The following CLCA2 variants were observed in gnomAD, a reference collection of about 807,000 sequenced individuals.
The protein encoded by CLCA2 is calcium-activated chloride channel regulator 2.
In CLCA2, 85 loss-of-function variants were observed where a neutral mutation model predicts 82.9. That is an observed-to-expected ratio of 1.03 (90% CI 0.86 to 1.23). The LOEUF is 1.23. CLCA2 is among the 50% of genes most tolerant of loss of function. The pLI, the probability that CLCA2 is intolerant of heterozygous loss-of-function variation, is 0.00. For missense variants in CLCA2, 1,089 were observed against 1,124.8 expected (o/e 0.97, Z 0.45); for synonymous variants, 421 against 391.7 (o/e 1.07, Z -0.88).
In CLCA2 at chr1:86,432,445, C is replaced by T. The variant is rs1267369665; in HGVS notation, c.661C>T (p.Leu221Phe). ...CPQENCIISK[L>F]FKEGCTFIYN... is the part of the protein sequence containing the mutation. Reference sequence around the variant, plus strand: ...CCAAGAAAACTGTATTATTAGTAAGCTTTTTAAAGAAGGATGCACCTTTAT... The same window carrying T: ...CCAAGAAAACTGTATTATTAGTAAGTTTTTTAAAGAAGGATGCACCTTTAT... Residue 221 changes from leucine (L) to phenylalanine (F), a missense_variant, in exon 5 of 14, where the codon CTT becomes TTT. Leu to Phe is a conservative substitution (Grantham distance 22). Coordinates refer to ENST00000370565, the MANE Select transcript of CLCA2 (RefSeq NM_006536.7). 3.1e-6 allele frequency: 5 copies of T among 1,613,854 alleles called. No individual in the cohort carries two copies. Among genetic ancestry groups the T allele is most frequent in the Middle Eastern group, 1.6e-4 (1 of 6,084 alleles).
In CLCA2 at chr1:86,438,908, A is replaced by G; in HGVS notation, c.1005A>G (p.Ala335=). The change falls in exon 7 of 14, where the codon GCA becomes GCG. Residue 335 remains alanine, a synonymous_variant. Coordinates refer to ENST00000370565, the MANE Select transcript of CLCA2 (RefSeq NM_006536.7). ...ADRLLQLQQA[A]EFYLMQIVEI... Reference sequence around the variant, plus strand: ...GACTCCTTCAACTACAACAAGCCGCAGAATTTTATTTGATGCAGATTGTTG... The same window carrying G: ...GACTCCTTCAACTACAACAAGCCGCGGAATTTTATTTGATGCAGATTGTTG... The G allele has an allele frequency of 1.9e-6, 3 of 1,614,110 alleles. No homozygotes were observed. The highest frequency in any genetic ancestry group is 2.5e-6 in the Non-Finnish European group (3 of 1,179,992).
chr1:86,436,387 C>T (rs534071890), intron 6 of CLCA2, among the ~76,000 whole-genome samples: 1 of 152,146 alleles, frequency 6.6e-6, no homozygotes, highest in Admixed American at 6.6e-5. Flanking sequence ...CTTTTCCCTT[C>T]CTTTATTTTA....
At chr1:86,427,535 G>A (rs1662411737) in intron 2 of CLCA2, among the ~76,000 whole-genome samples, 1 of 137,960 alleles carries the variant, frequency 7.2e-6, no homozygotes, top group African/African-American at 2.8e-5. Flanking sequence ...GACACAGATG[G>A]ACACACATAC....
chr1:86,447,665 T>G lies in CLCA2; in HGVS notation c.1871T>G (p.Ile624Ser). The change falls in exon 11 of 14, where the codon ATT becomes AGT. Residue 624 changes from isoleucine to serine, a missense_variant. Ile to Ser is a moderately radical substitution (Grantham distance 142, BLOSUM62 -2). Coordinates refer to ENST00000370565, the MANE Select transcript of CLCA2 (RefSeq NM_006536.7). ...DSLHFPHPVM[I>S]YANVKQGFYP... is the part of the protein sequence containing the mutation. ...CTCCATTTTCCTCATCCTGTGATGA[T>G]TTATGCCAATGTGAAACAGGGATTT... 1.9e-6 allele frequency: 3 copies of G among 1,614,140 alleles called. No individual in the cohort carries two copies. Among genetic ancestry groups the G allele is most frequent in the African/African-American group, 1.3e-5 (1 of 75,040 alleles).
rs765378231 is a variant in CLCA2 at position 86,438,952 on chromosome 1, G to A, written c.1049G>A (p.Gly350Asp). 6.2e-6 allele frequency: 10 copies of A among 1,614,082 alleles called. No homozygotes were observed. Among genetic ancestry groups the A allele is most frequent in the African/African-American group, 1.3e-5 (1 of 75,022 alleles). The change falls in exon 7 of 14, where the codon GGC (glycine) becomes GAC (aspartate). Residue 350 changes from glycine to aspartate, a missense_variant. Transcript: ENST00000370565. ...MQIVEIHTFV[G>D]IASFDSKGEI... The stretch of plus-strand genomic sequence containing the variant: ...ATTGTTGAAATTCATACCTTCGTGG[G>A]CATTGCCAGTTTCGACAGCAAAGGA...
chr1:86,430,858 G>A lies in CLCA2; in HGVS notation c.476-4G>A, dbSNP rs3737672. 569,786 of 1,609,854 alleles carry A rather than the reference G, an allele frequency of 0.35. 102,121 individuals carry two copies. The highest frequency in any genetic ancestry group is 0.5 in the East Asian group (22,153 of 44,728). ...CTCAAAAGCAAAAGTTCTTTCTTCC[G>A]CAGGCCGAGTGTTTGTCCATGAATG... On this transcript the variant is annotated splice_polypyrimidine_tract_variant and splice_region_variant and intron_variant, in intron 3 of 13. Coordinates refer to ENST00000370565, the MANE Select transcript of CLCA2 (RefSeq NM_006536.7).
intron 5 of CLCA2, among the ~76,000 whole-genome samples, chr1:86,432,752 A>G (rs1269463337): frequency 6.6e-6 from 1 of 152,188 alleles, no homozygotes; most frequent in Non-Finnish European, 1.5e-5. Context: ...GAGGTTTAAC[A>G]AAGGGACTCT....
chr1:86,424,519 T>A lies in CLCA2; in HGVS notation c.186+86T>A, dbSNP rs1243657848. The A allele has an allele frequency of 8.0e-5, 92 of 1,156,638 alleles. No homozygotes were observed. In the East Asian group the frequency reaches 2.3e-3, roughly 29 times the overall value. The allele number at this position is 1,156,638 out of a possible 1,614,324, so 71.6% of individuals were successfully genotyped here. A position where few individuals can be genotyped will look rare whatever the true frequency, so the allele number is the denominator to read the frequency against. ...TAGAAGCTAACTACCCTGCCTGGTTTGTATTTGAGTAATACAGAGAACAGC... is the reference window on the plus strand; with the variant it reads ...TAGAAGCTAACTACCCTGCCTGGTTAGTATTTGAGTAATACAGAGAACAGC... On this transcript the variant is annotated intron_variant, in intron 1 of 13. Transcript: ENST00000370565.
chr1:86,441,326 C>T (rs1662732632), intron 8 of CLCA2, 111 bp from the exon 9 acceptor site: 6 of 640,148 alleles, frequency 9.4e-6, no homozygotes, highest in Non-Finnish European at 2.6e-6. Context: ...GCTCCCATTT[C>T]CCCAAAACAA....
At chr1:86,436,997 A>T (rs540002448) in intron 6 of CLCA2, among the ~76,000 whole-genome samples, 2 of 152,196 alleles carry the variant, frequency 1.3e-5, no homozygotes, top group African/African-American at 2.4e-5. Flanking sequence ...TACAGGCATG[A>T]GCCAACATTC....
chr1:86,425,410 G>A lies in CLCA2; in HGVS notation c.258G>A (p.Lys86=), dbSNP rs764852305. The stretch of plus-strand genomic sequence containing the variant: ...GAAGAGTATTTTTCAGAAATATAAA[G>A]ATTTTAATACCTGCCACATGGAAAG... ...TKRRVFFRNI[K]ILIPATWKAN... Residue 86 remains lysine, a synonymous_variant, in exon 2 of 14, where the codon AAG becomes AAA. Transcript: ENST00000370565. 5.7e-6 allele frequency: 9 copies of A among 1,571,858 alleles called. No individual in the cohort carries two copies. The South Asian group carries it at 1.1e-4, about 19-fold the overall frequency.
rs1305915263 is a variant in CLCA2, at chr1:86,450,682, C to A, written c.2104C>A (p.His702Asn). Residue 702 changes from histidine (H) to asparagine (N), a missense_variant, in exon 12 of 14, where the codon CAC (histidine) becomes AAC (asparagine). Transcript: ENST00000370565. Reference sequence around the variant, plus strand: ...CTCTCCCAGCATAAGCACCCCAGCCCACTCTATTCCAGGGAGTCATGCTAT... The same window carrying A: ...CTCTCCCAGCATAAGCACCCCAGCCAACTCTATTCCAGGGAGTCATGCTAT... ...NHSPSISTPA[H>N]SIPGSHAMYV... The A allele has an allele frequency of 2.0e-5, 33 of 1,613,250 alleles. No individual in the cohort carries two copies. In the East Asian group the frequency reaches 6.9e-4, roughly 34 times the overall value.
rs751500731 is a variant in CLCA2 at position 86,453,424 on chromosome 1, A to G, written c.2211A>G (p.Arg737=). The part of the protein sequence containing the change: ...RKSVGRNEEE[R]KWGFSRVSSG... ...CAGTAGGCAGAAATGAGGAGGAGCG[A>G]AAGTGGGGCTTTAGCCGAGTCAGCT... The change falls in exon 13 of 14, where the codon CGA becomes CGG. Residue 737 remains arginine, a synonymous_variant. Coordinates refer to ENST00000370565, the MANE Select transcript of CLCA2 (RefSeq NM_006536.7). The G allele has an allele frequency of 1.4e-4, 232 of 1,614,000 alleles. No individual in the cohort carries two copies. Among genetic ancestry groups the G allele is most frequent in the Non-Finnish European group, 1.8e-4 (218 of 1,180,028 alleles).
At chr1:86,442,576 T>C (rs977364902) in intron 9 of CLCA2, among the ~76,000 whole-genome samples, 2 of 152,216 alleles carry the variant, frequency 1.3e-5, no homozygotes, top group Non-Finnish European at 2.9e-5. Flanking sequence ...GGCCCAGCCA[T>C]CAGCAATCCA....
rs373796551 is a variant in CLCA2, at chr1:86,432,499, T to C, written c.715T>C (p.Ser239Pro). The change falls in exon 5 of 14, where the codon TCA becomes CCA. Residue 239 changes from serine to proline, a missense_variant. Transcript: ENST00000370565. ...IYNSTQNATA[S>P]IMFMQSLSSV... Reference sequence around the variant, plus strand: ...CAATAGCACCCAAAATGCAACTGCATCAATAATGTTCATGCAAAGTTTATC... The same window carrying C: ...CAATAGCACCCAAAATGCAACTGCACCAATAATGTTCATGCAAAGTTTATC... The C allele has an allele frequency of 2.1e-5, 34 of 1,613,804 alleles. No individual in the cohort carries two copies. Among genetic ancestry groups the C allele is most frequent in the Non-Finnish European group, 2.6e-5 (31 of 1,179,936 alleles).
At position 86,432,536 on chromosome 1, in the gene CLCA2, T is replaced by C; in HGVS notation, c.744+8T>C. On this transcript the variant is annotated splice_region_variant and intron_variant, in intron 5 of 13. Transcript: ENST00000370565. ...ATGCAAAGTTTATCTTCTGTAAGTATGCCCTTGGAATGACACACTCTTGCA... is the reference window on the plus strand; with the variant it reads ...ATGCAAAGTTTATCTTCTGTAAGTACGCCCTTGGAATGACACACTCTTGCA... 1.2e-6 allele frequency: 2 copies of C among 1,612,956 alleles called. No homozygotes were observed. The highest frequency in any genetic ancestry group is 2.2e-5 in the South Asian group (2 of 90,800).
At chr1:86,433,768 G>T (rs1662545725) in intron 5 of CLCA2, among the ~76,000 whole-genome samples, 1 of 152,180 alleles carries the variant, frequency 6.6e-6, no homozygotes, top group Non-Finnish European at 1.5e-5. Context: ...TTTCTATGAA[G>T]TTAGAGCTGA....
At chr1:86,450,792 G>A (rs1570267937) in intron 12 of CLCA2, 59 bp downstream of exon 12, 1 of 1,424,776 alleles carries the variant, frequency 7.0e-7, no homozygotes, top group African/African-American at 1.4e-5. Flanking sequence ...ATCTCTGATG[G>A]GTATGTGTGT....
chr1:86,442,155 A>G (rs1019584514), intron 9 of CLCA2, among the ~76,000 whole-genome samples: 1 of 152,242 alleles, frequency 6.6e-6, no homozygotes, highest in African/African-American at 2.4e-5. Flanking sequence ...ACAGATGGCA[A>G]GTGTGCCTGC....
Sources: gnomAD v4.1 joint callset for allele counts (sites outside exome capture counted in the v4.1 genomes callset) on GRCh38, gnomAD v4.1.1 for gene constraint, MANE v1.5 for transcripts, NCBI Gene and HGNC (gene_info 2026-07-23, HGNC 2026-07-21) for gene names.